CORIN: variants seen among roughly 807,000 people sequenced by gnomAD.
The protein encoded by CORIN is atrial natriuretic peptide-converting enzyme.
In CORIN, 117 loss-of-function variants were observed where a neutral mutation model predicts 125.3. The ratio of observed to expected loss-of-function variants is 0.93; its 90% CI spans 0.80 to 1.09. The LOEUF (loss-of-function observed/expected upper bound fraction) is 1.09. Among genes scored for constraint, CORIN ranks in the 50% least tolerant of loss-of-function variants. CORIN has a pLI of 0.00. For missense variants in CORIN, 1,253 were observed against 1,306.7 expected (o/e 0.96, Z 0.63); for synonymous variants, 450 against 466.4 (o/e 0.96, Z 0.45).
chr4:47,816,000 CTT>C (rs1481795670), intron 1 of CORIN, among the ~76,000 whole-genome samples: 2 of 152,094 alleles, frequency 1.3e-5, no homozygotes, highest in Non-Finnish European at 2.9e-5. Context: ...AATGTTGTGA[CTT>C]TTAAAAATTG....
chr4:47,651,398 A>C (rs1196294406), intron 13 of CORIN, among the ~76,000 whole-genome samples: 1 of 152,240 alleles, frequency 6.6e-6, no homozygotes, highest in African/African-American at 2.4e-5. Context: ...GACAAACAGC[A>C]AGGAGGCAAA....
At chr4:47,656,233 G>T (rs1399986941) in intron 12 of CORIN, among the ~76,000 whole-genome samples, 3 of 146,230 alleles carry the variant, frequency 2.1e-5, no homozygotes, top group African/African-American at 7.6e-5. Context: ...TTGGCTCACT[G>T]CAGCCTCCAC....
intron 3 of CORIN, among the ~76,000 whole-genome samples, chr4:47,776,502 T>C (rs1399925304): frequency 6.6e-6 from 1 of 152,236 alleles, no homozygotes; most frequent in Non-Finnish European, 1.5e-5. Flanking sequence ...GGACATATTA[T>C]ATGGTAACAT....
intron 3 of CORIN, among the ~76,000 whole-genome samples, chr4:47,768,207 G>A (rs6835814): frequency 0.51 from 77,822 of 151,800 alleles, 21,831 homozygotes; most frequent in East Asian, 0.87. Context: ...CCCCACCCCT[G>A]TCTCCCTTCG....
chr4:47,666,883 A>C (rs1212049960), intron 10 of CORIN, among the ~76,000 whole-genome samples: 1 of 152,232 alleles, frequency 6.6e-6, no homozygotes, highest in Non-Finnish European at 1.5e-5. Flanking sequence ...GCTTGAACAT[A>C]CTAAGACAGA....
intron 5 of CORIN, among the ~76,000 whole-genome samples, chr4:47,739,235 T>C (rs1432221643): frequency 1.3e-5 from 2 of 152,052 alleles, no homozygotes; most frequent in Non-Finnish European, 2.9e-5. Context: ...CTAAAGGATC[T>C]ACACTTAGAC....
At chr4:47,649,490 C>T (rs190105332) in intron 13 of CORIN, among the ~76,000 whole-genome samples, 71 of 152,328 alleles carry the variant, frequency 4.7e-4, no homozygotes, top group African/African-American at 1.7e-3. Flanking sequence ...CCTGATTTTC[C>T]ACCACCACAG....
intron 19 of CORIN, 52 bp downstream of exon 19, chr4:47,623,519 G>A: frequency 5.1e-6 from 8 of 1,582,096 alleles, no homozygotes; most frequent in Non-Finnish European, 6.9e-6. Context: ...GAATTCCCGA[G>A]TGACAAAGTG....
intron 3 of CORIN, among the ~76,000 whole-genome samples, chr4:47,781,370 A>T (rs1730537331): frequency 6.6e-6 from 1 of 152,226 alleles, no homozygotes; most frequent in South Asian, 2.1e-4. Flanking sequence ...TATTTTGAGT[A>T]CTCATATAAC....
At chr4:47,687,420 T>C (rs1725567749) in intron 6 of CORIN, among the ~76,000 whole-genome samples, 1 of 152,214 alleles carries the variant, frequency 6.6e-6, no homozygotes, top group African/African-American at 2.4e-5. Flanking sequence ...ATAACAAGCA[T>C]AATTTTGCAT....
At chr4:47,600,740 C>T (rs979772223) in intron 20 of CORIN, among the ~76,000 whole-genome samples, 1 of 152,146 alleles carries the variant, frequency 6.6e-6, no homozygotes, top group East Asian at 1.9e-4. Flanking sequence ...GCATGATAGT[C>T]CTGCTCTGCT....
chr4:47,837,415 C>G, intron 1 of CORIN: 1 of 243,844 alleles, frequency 4.1e-6, no homozygotes, highest in South Asian at 4.6e-5. Context: ...TCCAGCCACC[C>G]GGCGCCCGAG....
chr4:47,788,158 C>T (rs1322743401), intron 2 of CORIN, among the ~76,000 whole-genome samples: 2 of 152,072 alleles, frequency 1.3e-5, no homozygotes, highest in African/African-American at 2.4e-5. Context: ...TAGAAAGAGC[C>T]AAGGGAGATT....
At chr4:47,763,305 G>T in intron 4 of CORIN, 74 bp downstream of exon 4, 1 of 1,163,090 alleles carries the variant, frequency 8.6e-7, no homozygotes, top group South Asian at 1.4e-5. Context: ...GAGTCATTTG[G>T]ATAATTTTTT....
intron 5 of CORIN, among the ~76,000 whole-genome samples, chr4:47,694,927 G>T (rs961274671): frequency 1.4e-4 from 21 of 152,246 alleles, no homozygotes; most frequent in African/African-American, 4.6e-4. Flanking sequence ...TGAACATTAA[G>T]CATTAGTTGA....
intron 5 of CORIN, among the ~76,000 whole-genome samples, chr4:47,711,982 A>G (rs74335804): frequency 6.6e-6 from 1 of 152,264 alleles, no homozygotes. Context: ...AGCAGCTTTC[A>G]TATCTGAAAT....
chr4:47,806,946 G>A lies in CORIN; in HGVS notation c.165C>T (p.Ile55=). The change falls in exon 2 of 22, where the codon ATC becomes ATT. Residue 55 remains isoleucine (I), a synonymous_variant. Transcript: ENST00000273857. ...RFLLLVLIPC[I]CALVLLLVIL... ...TCACCAGCAAGAGAACGAGAGCACA[G>A]ATACATGGAATCAGGACCAGCAATA... 1.2e-6 allele frequency: 2 copies of A among 1,613,864 alleles called. No individual in the cohort carries two copies. Among genetic ancestry groups the A allele is most frequent in the Non-Finnish European group, 1.7e-6 (2 of 1,179,780 alleles).
chr4:47,600,922 G>A (rs1457577629), intron 20 of CORIN, among the ~76,000 whole-genome samples: 2 of 152,240 alleles, frequency 1.3e-5, no homozygotes, highest in Non-Finnish European at 2.9e-5. Flanking sequence ...GGTATTGACA[G>A]AGAGAATATG....
chr4:47,735,883 G>A (rs1042813721), intron 5 of CORIN, among the ~76,000 whole-genome samples: 7 of 147,744 alleles, frequency 4.7e-5, no homozygotes, highest in East Asian at 2.0e-4. Flanking sequence ...CAGAGATCGC[G>A]TCACTGCACT....
Sources: allele counts gnomAD v4.1 joint callset (sites outside exome capture counted in the v4.1 genomes callset), GRCh38; gene constraint gnomAD v4.1.1; transcripts MANE v1.5; gene names NCBI Gene and HGNC (gene_info 2026-07-23, HGNC 2026-07-21).